Variants in DNAJC5B observed in about 807,000 individuals in gnomAD.
DNAJC5B encodes DnaJ heat shock protein family (Hsp40) member C5 beta.
Under a neutral mutation model 24.7 loss-of-function variants are expected in DNAJC5B, and 23 were observed. The ratio of observed to expected loss-of-function variants is 0.93; its 90% CI spans 0.67 to 1.32. The LOEUF is 1.32. DNAJC5B is among the 40% of genes most tolerant of loss of function. The probability of loss-of-function intolerance (pLI) is 0.00; values close to 1 mark genes in which losing one functional copy is unlikely to be tolerated. For synonymous variants in DNAJC5B, 101 were observed against 90.1 expected, an observed-to-expected ratio of 1.12 and a Z score of -0.68; for missense variants, 238 against 240.8, an observed-to-expected ratio of 0.99 and a Z score of 0.08.
chr8:66,018,416 A>G (rs1806019428), upstream of DNAJC5B, among the ~76,000 whole-genome samples: 1 of 152,062 alleles, frequency 6.6e-6, no homozygotes, highest in South Asian at 2.1e-4. Flanking sequence ...GCTACTAAGG[A>G]AGCTGAGGCA....
intron 4 of DNAJC5B, 73 bp downstream of exon 4, chr8:66,076,946 C>A: frequency 4.7e-6 from 7 of 1,504,442 alleles, no homozygotes; most frequent in South Asian, 1.2e-5. Context: ...GATTCCATCT[C>A]AAAGGAAGTC....
intron 5 of DNAJC5B, among the ~76,000 whole-genome samples, chr8:66,098,652 A>T (rs2128967625): frequency 6.6e-6 from 1 of 151,894 alleles, no homozygotes; most frequent in South Asian, 2.1e-4. Flanking sequence ...TCTATCCATC[A>T]TGTCCTTTGA....
Position 66,059,092 on chromosome 8 carries a change from G to A in DNAJC5B, c.119+7426G>A, listed in dbSNP as rs142430199. ...GACATATCACAGGGTGAAACTCATGGTATGGTCTCATCCAGGGCCTTCATT... is the reference window on the plus strand; with the variant it reads ...GACATATCACAGGGTGAAACTCATGATATGGTCTCATCCAGGGCCTTCATT... On this transcript the variant is annotated intron_variant, in intron 3 of 5. Transcript: ENST00000276570. Among the ~76,000 whole-genome samples the A allele has an allele frequency of 5.9e-4, 90 of 152,278 alleles. 2 individuals carry two copies. The East Asian group carries it at 0.013, about 23-fold the overall frequency.
chr8:66,042,597 C>CTCTTCT (rs35507342), intron 1 of DNAJC5B, among the ~76,000 whole-genome samples: 16 of 145,008 alleles, frequency 1.1e-4, no homozygotes, highest in South Asian at 1.1e-3. Flanking sequence ...CTTCTTCTTC[C>CTCTTCT]TCTTCTTCTT....
At chr8:66,046,758 T>A (rs1026237645) in intron 2 of DNAJC5B, among the ~76,000 whole-genome samples, 1 of 152,236 alleles carries the variant, frequency 6.6e-6, no homozygotes, top group South Asian at 2.1e-4. Flanking sequence ...GAACTTACCG[T>A]GGTCAAAACA....
At chr8:66,093,325 C>G (rs1291472123) in intron 5 of DNAJC5B, among the ~76,000 whole-genome samples, 1 of 152,140 alleles carries the variant, frequency 6.6e-6, no homozygotes, top group African/African-American at 2.4e-5. Flanking sequence ...AGCAGTTCTG[C>G]AAAATCATTG....
chr8:66,095,973 C>T (rs966980450), intron 5 of DNAJC5B, among the ~76,000 whole-genome samples: 1 of 152,222 alleles, frequency 6.6e-6, no homozygotes, highest in East Asian at 1.9e-4. Context: ...ACACATTCTG[C>T]ATTTGTTATG....
At chr8:66,052,214 T>C (rs887931127) in intron 3 of DNAJC5B, among the ~76,000 whole-genome samples, 1 of 151,074 alleles carries the variant, frequency 6.6e-6, no homozygotes, top group Non-Finnish European at 1.5e-5. Flanking sequence ...CACCTCGGCC[T>C]CCCAAAGTGC....
At chr8:66,028,209 A>G (rs1357179747) in intron 1 of DNAJC5B, among the ~76,000 whole-genome samples, 1 of 152,134 alleles carries the variant, frequency 6.6e-6, no homozygotes, top group Non-Finnish European at 1.5e-5. Flanking sequence ...AGGGAGAAAA[A>G]CAATTTCCTA....
chr8:66,063,339 T>C (rs1238966879), intron 3 of DNAJC5B, among the ~76,000 whole-genome samples: 1 of 152,206 alleles, frequency 6.6e-6, no homozygotes, highest in African/African-American at 2.4e-5. Context: ...CCATCTTTAT[T>C]AGCAATTACA....
intron 5 of DNAJC5B, among the ~76,000 whole-genome samples, chr8:66,083,741 CAG>C (rs368441533): frequency 2.0e-5 from 3 of 152,268 alleles, no homozygotes; most frequent in African/African-American, 7.2e-5. Flanking sequence ...AATTAACAAA[CAG>C]AGTTGCTGCA....
chr8:66,015,532 G>A, the DNAJC5B span, among the ~76,000 whole-genome samples: 3 of 145,966 alleles, frequency 2.1e-5, no homozygotes, highest in South Asian at 6.4e-4. Context: ...ATGTTTTTAT[G>A]CTGAGAAGGG....
At chr8:66,074,404 A>G (rs1807416807) in intron 3 of DNAJC5B, among the ~76,000 whole-genome samples, 1 of 152,248 alleles carries the variant, frequency 6.6e-6, no homozygotes. Context: ...TTATAACTAT[A>G]AACCACATGT....
At chr8:66,087,173 G>A (rs992348618) in intron 5 of DNAJC5B, among the ~76,000 whole-genome samples, 2 of 152,102 alleles carry the variant, frequency 1.3e-5, no homozygotes, top group Non-Finnish European at 2.9e-5. Flanking sequence ...CATGGCAGAA[G>A]GTGAAAAAGA....
chr8:66,038,730 G>A (rs542434650), intron 1 of DNAJC5B, among the ~76,000 whole-genome samples: 1 of 152,184 alleles, frequency 6.6e-6, no homozygotes, highest in East Asian at 1.9e-4. Context: ...TGGGAACAGG[G>A]AATAACTACT....
intron 3 of DNAJC5B, among the ~76,000 whole-genome samples, chr8:66,067,966 A>G (rs1265284309): frequency 1.3e-5 from 2 of 152,242 alleles, no homozygotes; most frequent in East Asian, 3.8e-4. Context: ...TAATAGGAAC[A>G]CCAGTCTTGT....
chr8:66,067,782 C>G (rs1807252874), intron 3 of DNAJC5B, among the ~76,000 whole-genome samples: 1 of 152,166 alleles, frequency 6.6e-6, no homozygotes, highest in African/African-American at 2.4e-5. Flanking sequence ...GTGAAGCCAT[C>G]TTGGGAGCAT....
chr8:66,091,942 T>C (rs1807857500), intron 5 of DNAJC5B, among the ~76,000 whole-genome samples: 1 of 152,208 alleles, frequency 6.6e-6, no homozygotes, highest in Non-Finnish European at 1.5e-5. Context: ...TGATTCCATT[T>C]ATATGAAATA....
intron 3 of DNAJC5B, among the ~76,000 whole-genome samples, chr8:66,063,220 A>G (rs1807121830): frequency 6.6e-6 from 1 of 152,228 alleles, no homozygotes; most frequent in Non-Finnish European, 1.5e-5. Context: ...TGCAGAAATG[A>G]GTTGCCTCAG....
Sources: allele counts gnomAD v4.1 joint callset (sites outside exome capture counted in the v4.1 genomes callset), GRCh38; gene constraint gnomAD v4.1.1; transcripts MANE v1.5; gene names NCBI Gene and HGNC (gene_info 2026-07-23, HGNC 2026-07-21).